APOBEC3C: variants seen among roughly 807,000 people sequenced by gnomAD.
The protein encoded by APOBEC3C is DNA dC->dU-editing enzyme APOBEC-3C.
Under a neutral mutation model 20.6 loss-of-function variants are expected in APOBEC3C, and 14 were observed. That is an observed-to-expected ratio of 0.68 (90% confidence interval 0.45 to 1.06). The LOEUF (loss-of-function observed/expected upper bound fraction) is 1.06. Among genes scored for constraint, APOBEC3C ranks in the 50% least tolerant of loss-of-function variants. APOBEC3C has a pLI of 0.00. For missense variants in APOBEC3C, 244 were observed against 241.9 expected (o/e 1.01, Z -0.06); for synonymous variants, 98 against 88.8 (o/e 1.10, Z -0.58).
At chr22:39,017,103 A>G (rs566837779) in intron 2 of APOBEC3C, among the ~76,000 whole-genome samples, 2 of 152,018 alleles carry the variant, frequency 1.3e-5, no homozygotes, top group African/African-American at 2.4e-5. Context: ...GTGGGGGTGC[A>G]TGCCTGTAGT....
rs1342461575 is a variant in APOBEC3C, at chr22:39,018,444, G to C, written c.*57G>C. 6.3e-7 allele frequency: 1 copy of C among 1,580,616 alleles called. No homozygotes were observed. Among genetic ancestry groups the C allele is most frequent in the Non-Finnish European group, 8.6e-7 (1 of 1,158,962 alleles). ...TCTAGCCTCCTGCTCATGCTGCACG[G>C]GCCTCCCCTCCACCCTGGACCCGCT... On this transcript the variant is annotated 3_prime_UTR_variant, in exon 4 of 4. Coordinates refer to ENST00000361441, the MANE Select transcript of APOBEC3C (RefSeq NM_014508.3).
chr22:39,016,141 G>A (rs562825247), intron 2 of APOBEC3C, among the ~76,000 whole-genome samples: 1 of 149,686 alleles, frequency 6.7e-6, no homozygotes, highest in Admixed American at 6.7e-5. Context: ...GCCTCCCAAA[G>A]TGCTAGGATT....
chr22:39,017,890 G>C lies in APOBEC3C; in HGVS notation c.299G>C (p.Cys100Ser). The C allele has an allele frequency of 6.2e-7, 1 of 1,614,186 alleles. No homozygotes were observed. The change falls in exon 3 of 4, where the codon TGT (cysteine) becomes TCT (serine). Residue 100 changes from cysteine (C) to serine (S), a missense_variant. Coordinates refer to ENST00000361441, the MANE Select transcript of APOBEC3C (RefSeq NM_014508.3). Reference sequence around the variant, plus strand: ...ACATCTTGGAGCCCTTGCCCAGACTGTGCAGGGGAGGTGGCCGAGTTCCTG... The same window carrying C: ...ACATCTTGGAGCCCTTGCCCAGACTCTGCAGGGGAGGTGGCCGAGTTCCTG... ...WYTSWSPCPDCAGEVAEFLAR... is the reference protein window; with the variant it reads ...WYTSWSPCPDSAGEVAEFLAR...
chr22:39,016,190 A>ATTAT (rs3043484), intron 2 of APOBEC3C, among the ~76,000 whole-genome samples: 25 of 141,404 alleles, frequency 1.8e-4, no homozygotes, highest in South Asian at 9.0e-4. Flanking sequence ...TCCTCCCCAC[A>ATTAT]TTATTTATTT....
chr22:39,018,393 C>T lies in APOBEC3C; in HGVS notation c.*6C>T. 1.9e-6 allele frequency: 3 copies of T among 1,612,386 alleles called. No homozygotes were observed. The highest frequency in any genetic ancestry group is 2.5e-6 in the Non-Finnish European group (3 of 1,178,974). On this transcript the variant is annotated 3_prime_UTR_variant, in exon 4 of 4. Coordinates refer to ENST00000361441, the MANE Select transcript of APOBEC3C (RefSeq NM_014508.3). ...TACGGGAGAGTCTCCAGTGAGGGGT[C>T]TCCCTGGGCCTCATGGTCTGTCTCC...
At chr22:39,016,438 C>T (rs573500468) in intron 2 of APOBEC3C, among the ~76,000 whole-genome samples, 6 of 138,840 alleles carry the variant, frequency 4.3e-5, no homozygotes, top group South Asian at 2.2e-4. Flanking sequence ...AAGATGGTCT[C>T]GATCTCCTGA....
intron 3 of APOBEC3C, 66 bp from the exon 4 acceptor site, chr22:39,018,203 G>C: frequency 6.3e-7 from 1 of 1,578,280 alleles, no homozygotes. Context: ...GGGCTGGGAG[G>C]GGAGGGCCCA....
At position 39,018,308 on chromosome 22, in the gene APOBEC3C, A is replaced by G; in HGVS notation, c.494A>G (p.Asn165Ser). 1.2e-5 allele frequency: 19 copies of G among 1,614,108 alleles called. No homozygotes were observed. The highest frequency in any genetic ancestry group is 1.6e-5 in the Non-Finnish European group (19 of 1,179,982). Residue 165 changes from asparagine to serine, a missense_variant, in exon 4 of 4, where the codon AAT (asparagine) becomes AGT (serine). Physicochemically the swap from Asn to Ser is conservative, Grantham distance 46 (BLOSUM62 1). Coordinates refer to ENST00000361441, the MANE Select transcript of APOBEC3C (RefSeq NM_014508.3). Reference protein sequence around the residue: ...YCWENFVYNDNEPFKPWKGLK... With the variant: ...YCWENFVYNDSEPFKPWKGLK... ...TGGGAAAACTTTGTGTACAATGATA[A>G]TGAGCCATTCAAGCCTTGGAAGGGA...
At position 39,018,556 on chromosome 22, in the gene APOBEC3C, TC is replaced by T; in HGVS notation, c.*171del. On this transcript the variant is annotated 3_prime_UTR_variant, in exon 4 of 4. Transcript: ENST00000361441. ...TGCCTCACCGCTTCCTCCTCGCTCT[TC>T]CAGACTCTTCCTGCAGAGGCTCCTT... The T allele has an allele frequency of 1.4e-6, 1 of 714,070 alleles. No homozygotes were observed. The allele number at this position is 714,070 out of a possible 1,614,324, so 44.2% of individuals were successfully genotyped here. A position where few individuals can be genotyped will look rare whatever the true frequency, so the allele number is the denominator to read the frequency against.
Position 39,015,699 on chromosome 22 carries a change from G to C in APOBEC3C, c.122G>C (p.Gly41Ala). The change falls in exon 2 of 4, where the codon GGT (glycine) becomes GCT (alanine). Residue 41 changes from glycine to alanine, a missense_variant. By Grantham distance (60) the Gly-to-Ala change is moderately conservative. Transcript: ENST00000361441. Reference sequence around the variant, plus strand: ...ACTTGGCTGTGCTTCACCGTGGAAGGTATAAAGCGCCGCTCAGTTGTCTCC... The same window carrying C: ...ACTTGGCTGTGCTTCACCGTGGAAGCTATAAAGCGCCGCTCAGTTGTCTCC... ...NETWLCFTVE[G>A]IKRRSVVSWK... 6.2e-7 allele frequency: 1 copy of C among 1,614,092 alleles called. No individual in the cohort carries two copies. The highest frequency in any genetic ancestry group is 8.5e-7 in the Non-Finnish European group (1 of 1,180,018).
intron 2 of APOBEC3C, among the ~76,000 whole-genome samples, chr22:39,016,424 A>G (rs1363746209): frequency 1.3e-4 from 16 of 123,748 alleles, no homozygotes; most frequent in Admixed American, 6.5e-4. Context: ...TCATGGTGTT[A>G]GCCAAGATGG....
At position 39,018,425 on chromosome 22, in the gene APOBEC3C, C is replaced by T. The variant is rs376817484; in HGVS notation, c.*38C>T. 4 of 1,601,398 alleles carry T rather than the reference C, an allele frequency of 2.5e-6. No individual in the cohort carries two copies. The African/African-American group carries it at 5.4e-5, about 22-fold the overall frequency. The stretch of plus-strand genomic sequence containing the variant: ...GGCCTCATGGTCTGTCTCCTCTAGC[C>T]TCCTGCTCATGCTGCACGGGCCTCC... On this transcript the variant is annotated 3_prime_UTR_variant, in exon 4 of 4. Coordinates refer to ENST00000361441, the MANE Select transcript of APOBEC3C (RefSeq NM_014508.3).
At position 39,014,382 on chromosome 22, in the gene APOBEC3C, A is replaced by C. The variant is rs1276112685; in HGVS notation, c.17+3A>C. 1.2e-6 allele frequency: 2 copies of C among 1,614,000 alleles called. No individual in the cohort carries two copies. Among genetic ancestry groups the C allele is most frequent in the Non-Finnish European group, 1.7e-6 (2 of 1,180,000 alleles). On this transcript the variant is annotated splice_donor_region_variant and intron_variant, in intron 1 of 3. Coordinates refer to ENST00000361441, the MANE Select transcript of APOBEC3C (RefSeq NM_014508.3). ...CTGAACATGAATCCACAGATCAGGT[A>C]CCTCTGCACGCTTTGTCCGCCAGGC... is the stretch of plus-strand genomic sequence containing the variant.
chr22:39,016,950 C>T (rs1182510798), intron 2 of APOBEC3C, among the ~76,000 whole-genome samples: 2 of 152,142 alleles, frequency 1.3e-5, no homozygotes, highest in South Asian at 2.1e-4. Flanking sequence ...AGGAAGGGGC[C>T]GGGCACGGCG....
chr22:39,014,605 G>C (rs1375797242), intron 1 of APOBEC3C, among the ~76,000 whole-genome samples: 2 of 151,852 alleles, frequency 1.3e-5, no homozygotes, highest in Non-Finnish European at 2.9e-5. Context: ...AGCCCAGTCC[G>C]CCTGCTGAGA....
chr22:39,018,048 G>A lies in APOBEC3C; in HGVS notation c.454+3G>A. ...TGTGGAGATCATGGACTATGAAGGTGAGACGTGGGGGGCTGAGGAGAGTGG... is the reference window on the plus strand; with the variant it reads ...TGTGGAGATCATGGACTATGAAGGTAAGACGTGGGGGGCTGAGGAGAGTGG... On this transcript the variant is annotated splice_donor_region_variant and intron_variant, in intron 3 of 3. Coordinates refer to ENST00000361441, the MANE Select transcript of APOBEC3C (RefSeq NM_014508.3). 6.2e-7 allele frequency: 1 copy of A among 1,613,778 alleles called. No homozygotes were observed. Among genetic ancestry groups the A allele is most frequent in the Non-Finnish European group, 8.5e-7 (1 of 1,179,684 alleles).
Position 39,018,431 on chromosome 22 carries a change from C to A in APOBEC3C, c.*44C>A. 1 of 1,597,320 alleles carries A rather than the reference C, an allele frequency of 6.3e-7. No homozygotes were observed. Among genetic ancestry groups the A allele is most frequent in the Non-Finnish European group, 8.6e-7 (1 of 1,169,572 alleles). ...ATGGTCTGTCTCCTCTAGCCTCCTGCTCATGCTGCACGGGCCTCCCCTCCA... is the reference window on the plus strand; with the variant it reads ...ATGGTCTGTCTCCTCTAGCCTCCTGATCATGCTGCACGGGCCTCCCCTCCA... On this transcript the variant is annotated 3_prime_UTR_variant, in exon 4 of 4. Transcript: ENST00000361441.
chr22:39,016,103 C>G (rs905735888), intron 2 of APOBEC3C, among the ~76,000 whole-genome samples: 3 of 151,930 alleles, frequency 2.0e-5, no homozygotes, highest in Admixed American at 1.3e-4. Context: ...GTTTCGAACT[C>G]CTGACCTCAA....
chr22:39,017,827 T>G lies in APOBEC3C; in HGVS notation c.236T>G (p.Ile79Arg), dbSNP rs764707463. The change falls in exon 3 of 4, where the codon ATA (isoleucine) becomes AGA (arginine). Residue 79 changes from isoleucine to arginine, a missense_variant. Transcript: ENST00000361441. ...RCFLSWFCDD[I>R]LSPNTKYQVT... ...TTCCTCTCTTGGTTCTGCGACGACATACTGTCTCCTAACACAAAGTACCAG... is the reference window on the plus strand; with the variant it reads ...TTCCTCTCTTGGTTCTGCGACGACAGACTGTCTCCTAACACAAAGTACCAG... The G allele has an allele frequency of 1.9e-6, 3 of 1,614,092 alleles. No individual in the cohort carries two copies. In the East Asian group the frequency reaches 6.7e-5, roughly 36 times the overall value.
Sources: gnomAD v4.1 joint callset for allele counts (sites outside exome capture counted in the v4.1 genomes callset) on GRCh38, gnomAD v4.1.1 for gene constraint, MANE v1.5 for transcripts, NCBI Gene and HGNC (gene_info 2026-07-23, HGNC 2026-07-21) for gene names.